KCNH1: variants seen among roughly 807,000 people sequenced by gnomAD.
KCNH1 encodes potassium voltage-gated channel subfamily H member 1.
KCNH1 carries 27 observed loss-of-function variants against 69.2 expected under a neutral mutation model. That is an observed-to-expected ratio of 0.39 (90% CI 0.29 to 0.54). The LOEUF (loss-of-function observed/expected upper bound fraction) is 0.54, where lower values mean the gene tolerates loss of function less well. Among genes scored for constraint, KCNH1 ranks in the 20% least tolerant of loss-of-function variants. The pLI is 0.68. For synonymous variants in KCNH1, 456 were observed against 487.7 expected (o/e 0.93, Z 0.86); for missense variants, 798 against 1,261.6 (o/e 0.63, Z 5.57).
intron 5 of KCNH1, among the ~76,000 whole-genome samples, chr1:211,081,987 AAAAATAAAAAAT>A (rs1274744778): frequency 3.3e-5 from 5 of 152,158 alleles, no homozygotes; most frequent in African/African-American, 7.2e-5. Context: ...TAAAAAATTA[AAAAATAAAAAAT>A]AAAATAAAAA....
intron 5 of KCNH1, among the ~76,000 whole-genome samples, chr1:211,027,299 A>G (rs929560687): frequency 2.6e-5 from 4 of 152,194 alleles, no homozygotes; most frequent in Non-Finnish European, 5.9e-5. Flanking sequence ...AAAAAATCCA[A>G]TGGATAGGCT....
intron 3 of KCNH1, among the ~76,000 whole-genome samples, chr1:211,102,995 C>T (rs1691287154): frequency 6.6e-6 from 1 of 152,208 alleles, no homozygotes; most frequent in African/African-American, 2.4e-5. Context: ...CATTAACATA[C>T]TTTGTGGAAG....
intron 10 of KCNH1, among the ~76,000 whole-genome samples, chr1:210,710,766 G>A (rs1218430805): frequency 8.0e-6 from 1 of 124,518 alleles, no homozygotes; most frequent in African/African-American, 4.6e-5. Context: ...CACACCCGCT[G>A]CTCTGCACAG....
intron 6 of KCNH1, among the ~76,000 whole-genome samples, chr1:210,981,732 C>A (rs936164766): frequency 2.6e-5 from 4 of 152,102 alleles, no homozygotes. Flanking sequence ...AACTTCCTGG[C>A]AAACTTGTGG....
intron 1 of KCNH1, among the ~76,000 whole-genome samples, chr1:211,120,309 C>T (rs1006139166): frequency 9.2e-5 from 14 of 151,816 alleles, no homozygotes; most frequent in African/African-American, 2.9e-4. Flanking sequence ...CCTGCTTCAG[C>T]CTCCTTACTA....
chr1:210,969,638 G>T (rs950094419), intron 6 of KCNH1, among the ~76,000 whole-genome samples: 1 of 152,052 alleles, frequency 6.6e-6, no homozygotes, highest in African/African-American at 2.4e-5. Context: ...TAGGCCTAAC[G>T]TTGTTTGGTC....
chr1:211,007,662 G>A (rs1362482932), intron 6 of KCNH1, among the ~76,000 whole-genome samples: 1 of 152,100 alleles, frequency 6.6e-6, no homozygotes, highest in African/African-American at 2.4e-5. Context: ...GTCCTGCAAG[G>A]CCCTTCAGCA....
chr1:210,983,044 G>GT (rs2102379941), intron 6 of KCNH1, among the ~76,000 whole-genome samples: 2 of 152,174 alleles, frequency 1.3e-5, no homozygotes, highest in East Asian at 1.9e-4. Context: ...TTTTTCCCGT[G>GT]TTTTTTGGCT....
intron 9 of KCNH1, among the ~76,000 whole-genome samples, 175 bp from the exon 10 acceptor site, chr1:210,775,719 T>G (rs531244258): frequency 6.6e-6 from 1 of 152,148 alleles, no homozygotes; most frequent in Non-Finnish European, 1.5e-5. Flanking sequence ...AACATGCAGT[T>G]TAAGAAATGT....
chr1:210,719,159 A>T (rs1211931748), intron 10 of KCNH1, among the ~76,000 whole-genome samples: 2 of 152,176 alleles, frequency 1.3e-5, no homozygotes, highest in African/African-American at 4.8e-5. Context: ...CCACATTTCA[A>T]GTGTTCATTA....
At chr1:210,741,288 A>G (rs1683024567) in intron 10 of KCNH1, among the ~76,000 whole-genome samples, 1 of 152,222 alleles carries the variant, frequency 6.6e-6, no homozygotes, top group Non-Finnish European at 1.5e-5. Context: ...AGGATAAATG[A>G]ATTCATATTA....
intron 6 of KCNH1, among the ~76,000 whole-genome samples, chr1:210,981,928 T>G (rs1255998869): frequency 6.6e-6 from 1 of 152,126 alleles, no homozygotes; most frequent in Non-Finnish European, 1.5e-5. Flanking sequence ...ACATGTGTGT[T>G]AAGTTTGATG....
At chr1:210,719,686 A>G (rs1682404429) in intron 10 of KCNH1, among the ~76,000 whole-genome samples, 1 of 152,154 alleles carries the variant, frequency 6.6e-6, no homozygotes, top group African/African-American at 2.4e-5. Context: ...CATTCTGCAC[A>G]TGTATCTCAG....
intron 6 of KCNH1, among the ~76,000 whole-genome samples, chr1:210,939,979 A>C (rs1687848428): frequency 6.6e-6 from 1 of 152,204 alleles, no homozygotes; most frequent in Non-Finnish European, 1.5e-5. Context: ...ATTAACAGAG[A>C]TAGTCTTGTT....
intron 5 of KCNH1, among the ~76,000 whole-genome samples, chr1:211,065,757 A>G (rs1291321611): frequency 3.3e-5 from 5 of 152,240 alleles, no homozygotes; most frequent in African/African-American, 1.2e-4. Context: ...TATAATTTTG[A>G]TCAATTAAAA....
intron 3 of KCNH1, among the ~76,000 whole-genome samples, chr1:211,102,781 A>C (rs535387089): frequency 9.8e-5 from 15 of 152,344 alleles, no homozygotes; most frequent in Admixed American, 7.8e-4. Flanking sequence ...ATTTCCTACC[A>C]GTCAATCCTA....
chr1:210,931,966 G>A (rs902057857), intron 6 of KCNH1, among the ~76,000 whole-genome samples: 1 of 151,792 alleles, frequency 6.6e-6, no homozygotes, highest in Admixed American at 6.6e-5. Flanking sequence ...AATGAAGAAA[G>A]TCTATGGGAC....
intron 6 of KCNH1, among the ~76,000 whole-genome samples, chr1:210,968,884 T>TC (rs1018911947): frequency 6.6e-6 from 1 of 152,128 alleles, no homozygotes; most frequent in East Asian, 1.9e-4. Context: ...TCTTAAAATA[T>TC]CCCCCCATTA....
chr1:210,980,103 C>G (rs1334516425), intron 6 of KCNH1, among the ~76,000 whole-genome samples: 3 of 152,088 alleles, frequency 2.0e-5, no homozygotes, highest in Non-Finnish European at 2.9e-5. Flanking sequence ...TCACTTCTTC[C>G]ATTTCATTTA....
Sources: gnomAD v4.1 joint callset for allele counts (sites outside exome capture counted in the v4.1 genomes callset) on GRCh38, gnomAD v4.1.1 for gene constraint, MANE v1.5 for transcripts, NCBI Gene and HGNC (gene_info 2026-07-23, HGNC 2026-07-21) for gene names.